Variants in PDZD2 observed in about 807,000 individuals in gnomAD.
The protein encoded by PDZD2 is PDZ domain-containing protein 2.
A neutral mutation model predicts 220.7 loss-of-function variants in PDZD2; 90 were observed. The ratio of observed to expected loss-of-function variants is 0.41; its 90% CI spans 0.34 to 0.49. PDZD2 has a LOEUF of 0.49. PDZD2 is among the 20% of genes least tolerant of loss of function. The probability of loss-of-function intolerance (pLI) is 0.28; values close to 1 mark genes in which losing one functional copy is unlikely to be tolerated. For missense variants in PDZD2, 3,174 were observed against 3,608.5 expected, an observed-to-expected ratio of 0.88 and a Z score of 3.08; for synonymous variants, 1,375 against 1,450.5, an observed-to-expected ratio of 0.95 and a Z score of 1.18.
At chr5:31,806,125 T>A (rs1754698138) in intron 2 of PDZD2, among the ~76,000 whole-genome samples, 1 of 151,942 alleles carries the variant, frequency 6.6e-6, no homozygotes, top group Non-Finnish European at 1.5e-5. Context: ...CTTATAGGAG[T>A]CCATTTTTCG....
At chr5:32,091,388 G>A (rs1033590386) in intron 20 of PDZD2, among the ~76,000 whole-genome samples, 3 of 149,542 alleles carry the variant, frequency 2.0e-5, no homozygotes, top group Admixed American at 6.7e-5. Context: ...GGGTTCAAGC[G>A]ATTCTCCTGC....
rs768885417 is a variant in PDZD2, at chr5:32,088,086, G to T, written c.4638G>T (p.Pro1546=). The change falls in exon 20 of 25, where the codon CCG becomes CCT. Residue 1546 remains proline, a synonymous_variant. Transcript: ENST00000438447. The surrounding 1 kb of genome is among the most constrained non-coding windows in gnomAD (Gnocchi z 4.6). ...CAGGCCTGGGTGACAGCACGGAGCC[G>T]TCTCTGTCATCCATGTATGGCGATG... is the stretch of plus-strand genomic sequence containing the variant. ...SLSGLGDSTE[P]SLSSMYGDAE... 6.2e-7 allele frequency: 1 copy of T among 1,613,856 alleles called. No individual in the cohort carries two copies. The highest frequency in any genetic ancestry group is 1.3e-5 in the African/African-American group (1 of 74,932).
At chr5:31,721,636 A>G (rs1013534833) in intron 1 of PDZD2, among the ~76,000 whole-genome samples, 8 of 151,760 alleles carry the variant, frequency 5.3e-5, no homozygotes. Context: ...GCTATCTTTA[A>G]AAAAGTAACC....
chr5:31,908,759 T>C (rs1373608426), intron 2 of PDZD2: 6 of 936,098 alleles, frequency 6.4e-6, no homozygotes, highest in African/African-American at 1.6e-5. Flanking sequence ...AAACGACCAG[T>C]TCTGGCCGGG....
intron 2 of PDZD2, among the ~76,000 whole-genome samples, chr5:31,971,223 C>T (rs576054828): frequency 1.3e-5 from 2 of 152,320 alleles, no homozygotes; most frequent in African/African-American, 2.4e-5. Flanking sequence ...ATCAAGGCAC[C>T]AGCAAGCTTG....
chr5:31,646,553 A>G lies in PDZD2; in HGVS notation c.-361+7116A>G, dbSNP rs188295103. 4.6e-5 allele frequency among the ~76,000 whole-genome samples: 7 copies of G among 152,324 alleles called. No homozygotes were observed. The East Asian group carries it at 1.4e-3, about 29-fold the overall frequency. ...CATTTTTGTGTGTTGGCCAATGGAC[A>G]CTTATAAAATGTCTGATTTCAGCTG... On this transcript the variant is annotated intron_variant, in intron 1 of 24. Coordinates refer to ENST00000438447, the MANE Select transcript of PDZD2 (RefSeq NM_178140.4). The surrounding 1 kb of genome is among the most constrained non-coding windows in gnomAD (Gnocchi z 4.7).
At chr5:31,869,900 G>A (rs967588686) in intron 2 of PDZD2, among the ~76,000 whole-genome samples, 17 of 152,254 alleles carry the variant, frequency 1.1e-4, no homozygotes, top group Admixed American at 8.5e-4. Flanking sequence ...ATGGCGTCTG[G>A]GAGGATTCGT....
At position 31,799,321 on chromosome 5, in the gene PDZD2, G is replaced by A. The variant is rs1312414022; in HGVS notation, c.73G>A (p.Glu25Lys). The change falls in exon 2 of 25, where the codon GAA becomes AAA. Residue 25 changes from glutamate (E) to lysine (K), a missense_variant. Physicochemically the swap from Glu to Lys is moderately conservative, Grantham distance 56 (BLOSUM62 1). Coordinates refer to ENST00000438447, the MANE Select transcript of PDZD2 (RefSeq NM_178140.4). ...LYQWLQNSLQ[E>K]GGDGPEQRLC... The stretch of plus-strand genomic sequence containing the variant: ...CCAGTGGCTGCAGAACAGCCTGCAG[G>A]AAGGTGGGGATGGGCCGGAGCAGCG... The A allele has an allele frequency of 8.7e-6, 14 of 1,614,060 alleles. No homozygotes were observed. Among genetic ancestry groups the A allele is most frequent in the Non-Finnish European group, 1.2e-5 (14 of 1,180,014 alleles).
chr5:31,797,709 T>C (rs1278339265), intron 1 of PDZD2, among the ~76,000 whole-genome samples: 4 of 152,244 alleles, frequency 2.6e-5, no homozygotes, highest in Non-Finnish European at 5.9e-5. Flanking sequence ...AACCAATTAA[T>C]AGCTGGCACT....
chr5:31,957,514 T>C (rs1045679887), intron 2 of PDZD2, among the ~76,000 whole-genome samples: 4 of 152,194 alleles, frequency 2.6e-5, no homozygotes, highest in East Asian at 1.9e-4. Flanking sequence ...ATAGAAAGGT[T>C]TGAGAATCAG....
chr5:31,998,537 G>A (rs1195998721), intron 4 of PDZD2, among the ~76,000 whole-genome samples: 1 of 152,198 alleles, frequency 6.6e-6, no homozygotes, highest in Non-Finnish European at 1.5e-5. Context: ...CCAGGGGAGA[G>A]CCTAGAGACT....
At chr5:31,982,204 C>G (rs1347548653) in intron 2 of PDZD2, among the ~76,000 whole-genome samples, 1 of 152,240 alleles carries the variant, frequency 6.6e-6, no homozygotes, top group Non-Finnish European at 1.5e-5. Context: ...TCCATGTGTG[C>G]TGTGATCAGC....
At chr5:31,850,765 T>A (rs1758013655) in intron 2 of PDZD2, among the ~76,000 whole-genome samples, 1 of 151,618 alleles carries the variant, frequency 6.6e-6, no homozygotes, top group Non-Finnish European at 1.5e-5. Flanking sequence ...GCCTCCCGAG[T>A]AGCTGGGACT....
intron 2 of PDZD2, among the ~76,000 whole-genome samples, chr5:31,891,195 G>C (rs866603984): frequency 5.4e-5 from 8 of 148,200 alleles, no homozygotes; most frequent in Non-Finnish European, 3.0e-5. Flanking sequence ...GGAGTGCAAT[G>C]GCGCGATCTC....
intron 1 of PDZD2, among the ~76,000 whole-genome samples, chr5:31,752,460 A>G (rs59331802): frequency 0.025 from 3,823 of 152,132 alleles, 147 homozygotes; most frequent in African/African-American, 0.086. Flanking sequence ...GAGGCAGGAG[A>G]ATCTCTTGAA....
chr5:31,808,894 C>A (rs1303555987), intron 2 of PDZD2, among the ~76,000 whole-genome samples: 3 of 151,816 alleles, frequency 2.0e-5, no homozygotes. Context: ...GCAGGAGAAT[C>A]GCTTGAACTG....
At chr5:31,719,427 A>T (rs960247792) in intron 1 of PDZD2, among the ~76,000 whole-genome samples, 1 of 152,224 alleles carries the variant, frequency 6.6e-6, no homozygotes, top group African/African-American at 2.4e-5. Context: ...TTATTTTTTC[A>T]TCCACTGAAC....
intron 2 of PDZD2, among the ~76,000 whole-genome samples, chr5:31,860,070 C>T (rs1737542741): frequency 6.6e-6 from 1 of 152,174 alleles, no homozygotes; most frequent in Admixed American, 6.5e-5. Flanking sequence ...AAATCCCCTA[C>T]ACTGAGGGGA....
intron 2 of PDZD2, chr5:31,843,963 G>A (rs1304009140): frequency 6.6e-6 from 1 of 152,176 alleles, no homozygotes; most frequent in Non-Finnish European, 1.5e-5. Context: ...AATGGTGGTG[G>A]ACCAGATAAG....
Sources: allele counts gnomAD v4.1 joint callset (sites outside exome capture counted in the v4.1 genomes callset), GRCh38; gene constraint gnomAD v4.1.1; non-coding constraint Gnocchi (gnomAD v3.1); transcripts MANE v1.5; gene names NCBI Gene and HGNC (gene_info 2026-07-23, HGNC 2026-07-21).